The following CTSE variants were observed in gnomAD, a reference collection of about 807,000 sequenced individuals.
The protein encoded by CTSE is erythrocyte membrane aspartic proteinase.
A neutral mutation model predicts 42.8 loss-of-function variants in CTSE; 43 were observed. The observed-to-expected ratio is 1.01, with a 90% CI of 0.79 to 1.30. The LOEUF is 1.30. Among genes scored for constraint, CTSE ranks in the 50% most tolerant of loss-of-function variants. The pLI, the probability that CTSE is intolerant of heterozygous loss-of-function variation, is 0.00. For missense variants in CTSE, 532 were observed against 493.5 expected (o/e 1.08, Z -0.74); for synonymous variants, 205 against 191.5 (o/e 1.07, Z -0.58).
chr1:206,023,147 G>T, intron 1 of CTSE, 90 bp from the exon 2 acceptor site: 19 of 463,656 alleles, frequency 4.1e-5, no homozygotes, highest in Non-Finnish European at 5.5e-5. Flanking sequence ...GCCAACTAGA[G>T]AAGATGGGGT....
intron 3 of CTSE, 53 bp from the exon 4 acceptor site, chr1:206,021,220 C>A: frequency 7.1e-7 from 1 of 1,407,828 alleles, no homozygotes; most frequent in South Asian, 1.2e-5. Context: ...TGGCTGCATC[C>A]CTGCCCTAAT....
chr1:206,012,505 C>A lies in CTSE; in HGVS notation c.927+3G>T. 1 of 1,614,002 alleles carries A rather than the reference C, an allele frequency of 6.2e-7. No homozygotes were observed. Among genetic ancestry groups the A allele is most frequent in the Non-Finnish European group, 8.5e-7 (1 of 1,179,940 alleles). On this transcript the variant is annotated splice_donor_region_variant and intron_variant, in intron 7 of 8. Transcript: ENST00000358184. ...CCACTCCCTTGCGCAGGCAGGCACT[C>A]ACTTCTCCATCCACGGGGGCTGCCC...
In CTSE at chr1:206,010,289, G is replaced by A; in HGVS notation, c.1085C>T (p.Pro362Leu). 1 of 1,613,766 alleles carries A rather than the reference G, an allele frequency of 6.2e-7. No individual in the cohort carries two copies. Among genetic ancestry groups the A allele is most frequent in the Non-Finnish European group, 8.5e-7 (1 of 1,179,804 alleles). Reference protein sequence around the residue: ...SSGFQGLDIHPPAGPLWILGD... With the variant: ...SSGFQGLDIHLPAGPLWILGD... ...CAGGATCCAGAGGGGCCCAGCTGGAGGGTGGATGTCAAGTCCTTGAAAGCC... is the reference window on the plus strand; with the variant it reads ...CAGGATCCAGAGGGGCCCAGCTGGAAGGTGGATGTCAAGTCCTTGAAAGCC... The change falls in exon 9 of 9, where the codon CCT becomes CTT. Residue 362 changes from proline to leucine, a missense_variant. By Grantham distance (98) the Pro-to-Leu change is moderately conservative (BLOSUM62 -3). Coordinates refer to ENST00000358184, the MANE Select transcript of CTSE (RefSeq NM_001910.4).
intron 1 of CTSE, 129 bp downstream of exon 1, chr1:206,023,595 C>T: frequency 1.2e-6 from 1 of 808,090 alleles, no homozygotes. Context: ...GAGTCTCTTC[C>T]ATGCATTGAC....
chr1:206,019,404 T>G (rs542694000), intron 4 of CTSE, among the ~76,000 whole-genome samples: 57 of 151,982 alleles, frequency 3.8e-4, no homozygotes, highest in Non-Finnish European at 6.5e-4. Context: ...GCCTCAATGA[T>G]GGGGATGTTA....
chr1:206,011,154 C>T (rs1161633877), intron 8 of CTSE, among the ~76,000 whole-genome samples: 1 of 152,014 alleles, frequency 6.6e-6, no homozygotes, highest in Non-Finnish European at 1.5e-5. Context: ...TGTGATCCAC[C>T]CGCCTCGGCC....
chr1:206,023,157 TG>T, intron 1 of CTSE, 100 bp from the exon 2 acceptor site: 1 of 322,182 alleles, frequency 3.1e-6, no homozygotes, highest in South Asian at 2.4e-5. Flanking sequence ...GAAGATGGGG[TG>T]GGAGGGGGGG....
Position 206,009,347 on chromosome 1 carries a change from A to G in CTSE, c.*836T>C, listed in dbSNP as rs1178824795. The G allele has an allele frequency of 6.6e-6, 1 of 152,100 alleles. No individual in the cohort carries two copies. The highest frequency in any genetic ancestry group is 1.9e-4 in the East Asian group (1 of 5,192). 9.4% of individuals were successfully genotyped at this position (152,100 alleles called of 1,614,324 possible). On this transcript the variant is annotated 3_prime_UTR_variant, in exon 9 of 9. Transcript: ENST00000358184. Reference sequence around the variant, plus strand: ...GTCTTAACATTACCAATAGAGAGGCACCAGCATTATCTGCCTCCTGACAGG... The same window carrying G: ...GTCTTAACATTACCAATAGAGAGGCGCCAGCATTATCTGCCTCCTGACAGG...
At position 206,021,936 on chromosome 1, in the gene CTSE, C is replaced by A. The variant is rs115343036; in HGVS notation, c.343+214G>T. Among the ~76,000 whole-genome samples the A allele has an allele frequency of 8.5e-3, 1,288 of 152,228 alleles. 22 individuals carry two copies. The highest frequency in any genetic ancestry group is 0.03 in the African/African-American group (1,234 of 41,576). ...AATTCTGATCAGTATGAAAGTTACT[C>A]TCTTGGACAGCAGCCACATTTTAGT... On this transcript the variant is annotated intron_variant, in intron 3 of 8. Transcript: ENST00000358184.
intron 3 of CTSE, 71 bp from the exon 4 acceptor site, chr1:206,021,238 A>T: frequency 1.7e-6 from 2 of 1,201,224 alleles, no homozygotes; most frequent in Non-Finnish European, 2.5e-6. Flanking sequence ...AATGCCACCC[A>T]GCCCCACAGC....
At chr1:206,018,375 A>G (rs1661318453) in intron 4 of CTSE, among the ~76,000 whole-genome samples, 1 of 151,970 alleles carries the variant, frequency 6.6e-6, no homozygotes, top group Admixed American at 6.6e-5. Context: ...TTGGTCTGTA[A>G]TTTTATATTT....
intron 8 of CTSE, among the ~76,000 whole-genome samples, chr1:206,011,833 A>T (rs1293205859): frequency 6.6e-6 from 1 of 152,118 alleles, no homozygotes; most frequent in East Asian, 1.9e-4. Flanking sequence ...ATTTACTGCA[A>T]CAAAAGACAT....
chr1:206,022,190 G>A lies in CTSE; in HGVS notation c.303C>T (p.Asn101=), dbSNP rs1553278527. 6.2e-7 allele frequency: 1 copy of A among 1,612,910 alleles called. No homozygotes were observed. The highest frequency in any genetic ancestry group is 8.5e-7 in the Non-Finnish European group (1 of 1,179,156). The change falls in exon 3 of 9, where the codon AAC becomes AAT. Residue 101 remains asparagine, a synonymous_variant. Coordinates refer to ENST00000358184, the MANE Select transcript of CTSE (RefSeq NM_001910.4). ...FTVIFDTGSS[N]LWVPSVYCTS... is the part of the protein sequence containing the mutation. ...TGCAGTACACAGAGGGGACCCAGAG[G>A]TTGGAGGAGCCAGTGTCGAAGATGA...
intron 8 of CTSE, 112 bp from the exon 9 acceptor site, chr1:206,010,459 T>G: frequency 1.1e-6 from 1 of 895,392 alleles, no homozygotes; most frequent in South Asian, 1.5e-5. Context: ...CTTGGACAGC[T>G]GGTGGGTTCC....
rs952483717 is a variant in CTSE, at chr1:206,012,709, A to T, written c.786-60T>A. The T allele has an allele frequency of 1.9e-5, 30 of 1,583,710 alleles. No individual in the cohort carries two copies. In the South Asian group the frequency reaches 3.3e-4, roughly 17 times the overall value. Reference sequence around the variant, plus strand: ...CTCCCCCGGCTCCTAGGAAACTCCCACTCTTTTTTGGCCTCTCAAATGCCT... The same window carrying T: ...CTCCCCCGGCTCCTAGGAAACTCCCTCTCTTTTTTGGCCTCTCAAATGCCT... On this transcript the variant is annotated intron_variant, in intron 6 of 8. Transcript: ENST00000358184.
chr1:206,023,124 C>T lies in CTSE; in HGVS notation c.69-67G>A, dbSNP rs559326777. 9 of 900,724 alleles carry T rather than the reference C, an allele frequency of 1.0e-5. No individual in the cohort carries two copies. The African/African-American group carries it at 1.6e-4, about 16-fold the overall frequency. The allele number at this position is 900,724 out of a possible 1,614,324, so 55.8% of individuals were successfully genotyped here. A position where few individuals can be genotyped will look rare whatever the true frequency, so the allele number is the denominator to read the frequency against. On this transcript the variant is annotated intron_variant, in intron 1 of 8. Transcript: ENST00000358184. ...CTCCCTCTTCCCCCCATTCTCGTCC[C>T]ATTTTCTCAGGGGCCAACTAGAGAA...
chr1:206,016,601 T>C (rs1475233694), intron 4 of CTSE, among the ~76,000 whole-genome samples: 1 of 152,068 alleles, frequency 6.6e-6, no homozygotes, highest in Admixed American at 6.5e-5. Flanking sequence ...CTGGAACCTA[T>C]ATGAAATGTG....
intron 4 of CTSE, among the ~76,000 whole-genome samples, chr1:206,020,159 T>C (rs1661375708): frequency 6.8e-6 from 1 of 147,816 alleles, no homozygotes; most frequent in Non-Finnish European, 1.5e-5. Context: ...GTATATTACA[T>C]ATATTCATAT....
intron 1 of CTSE, 25 bp from the exon 2 acceptor site, chr1:206,023,082 A>C (rs1027287900): frequency 2.1e-6 from 3 of 1,451,998 alleles, no homozygotes; most frequent in Non-Finnish European, 1.9e-6. Context: ...CCATGTAAGC[A>C]GGAGATGTAC....
Sources: gnomAD v4.1 joint callset for allele counts (sites outside exome capture counted in the v4.1 genomes callset) on GRCh38, gnomAD v4.1.1 for gene constraint, MANE v1.5 for transcripts, NCBI Gene and HGNC (gene_info 2026-07-23, HGNC 2026-07-21) for gene names.